The following TRIM24 variants were observed in gnomAD, a reference collection of about 807,000 sequenced individuals.
TRIM24 encodes tripartite motif containing 24.
Under a neutral mutation model 123.9 loss-of-function variants are expected in TRIM24, and 29 were observed. The ratio of observed to expected loss-of-function variants is 0.23; its 90% CI spans 0.17 to 0.32. The LOEUF (loss-of-function observed/expected upper bound fraction) is 0.32, where lower values mean the gene tolerates loss of function less well. Ranked by LOEUF, TRIM24 falls within the 10% of genes least tolerant of loss-of-function variation. TRIM24 has a pLI of 1.00. For synonymous variants in TRIM24, 456 were observed against 461.1 expected (o/e 0.99, Z 0.14); for missense variants, 932 against 1,295.3 (o/e 0.72, Z 4.31).
intron 9 of TRIM24, among the ~76,000 whole-genome samples, chr7:138,566,188 C>A (rs1797531569): frequency 6.6e-6 from 1 of 152,118 alleles, no homozygotes; most frequent in Non-Finnish European, 1.5e-5. Flanking sequence ...TTCCTGTAAT[C>A]AACCAGGGTT....
intron 4 of TRIM24, 111 bp downstream of exon 4, chr7:138,519,432 G>A: frequency 8.0e-7 from 1 of 1,253,634 alleles, no homozygotes; most frequent in Non-Finnish European, 1.1e-6. Flanking sequence ...TGTTTGGCCA[G>A]CACTATGCTG....
At chr7:138,564,410 TG>T (rs1275290504) in intron 9 of TRIM24, among the ~76,000 whole-genome samples, 3 of 152,172 alleles carry the variant, frequency 2.0e-5, no homozygotes, top group African/African-American at 7.2e-5. Flanking sequence ...CCTCAGTAAA[TG>T]GGGGTAGATT....
Position 138,586,531 on chromosome 7 carries a change from A to G in TRIM24, c.*1580A>G, listed in dbSNP as rs954946174. On this transcript the variant is annotated 3_prime_UTR_variant, in exon 19 of 19. Coordinates refer to ENST00000343526, the MANE Select transcript of TRIM24 (RefSeq NM_015905.3). Reference sequence around the variant, plus strand: ...ATAGATCCCCATTGTTTATATATATAGGTCTTGTTCATAATATGTCAATTA... The same window carrying G: ...ATAGATCCCCATTGTTTATATATATGGGTCTTGTTCATAATATGTCAATTA... The G allele has an allele frequency of 2.2e-4, 33 of 152,346 alleles. No individual in the cohort carries two copies. The highest frequency in any genetic ancestry group is 7.5e-4 in the African/African-American group (31 of 41,570). The allele number at this position is 152,346 out of a possible 1,614,324, so 9.4% of individuals were successfully genotyped here. A position where few individuals can be genotyped will look rare whatever the true frequency, so the allele number is the denominator to read the frequency against.
chr7:138,510,278 A>G (rs909765651), intron 2 of TRIM24, among the ~76,000 whole-genome samples: 6 of 152,270 alleles, frequency 3.9e-5, no homozygotes, highest in African/African-American at 1.4e-4. Flanking sequence ...ATAAGAGTTT[A>G]TACTAGAGTG....
intron 9 of TRIM24, 66 bp downstream of exon 9, chr7:138,555,032 A>G: frequency 1.4e-6 from 2 of 1,472,422 alleles, no homozygotes; most frequent in Non-Finnish European, 1.8e-6. Context: ...AGCAGCTCAA[A>G]ATAACAAAGA....
At chr7:138,516,083 A>T (rs1796387800) in intron 3 of TRIM24, among the ~76,000 whole-genome samples, 1 of 152,128 alleles carries the variant, frequency 6.6e-6, no homozygotes. Context: ...GTGGATCATG[A>T]GATCAGGAGA....
chr7:138,484,976 T>C (rs1255819111), intron 1 of TRIM24, among the ~76,000 whole-genome samples: 3 of 152,096 alleles, frequency 2.0e-5, no homozygotes, highest in Non-Finnish European at 4.4e-5. Flanking sequence ...TATAGGTAGT[T>C]GATAATAACC....
At position 138,534,044 on chromosome 7, in the gene TRIM24, G is replaced by A. The variant is rs6966527; in HGVS notation, c.997-4613G>A. On this transcript the variant is annotated intron_variant, in intron 6 of 18. Coordinates refer to ENST00000343526, the MANE Select transcript of TRIM24 (RefSeq NM_015905.3). Reference sequence around the variant, plus strand: ...TTCTCTGATGGTAGTTTGTATTTCTGTGGGATCGGTGGTGATATCCCCTTT... The same window carrying A: ...TTCTCTGATGGTAGTTTGTATTTCTATGGGATCGGTGGTGATATCCCCTTT... Among the ~76,000 whole-genome samples, 259 of 152,274 alleles carry A rather than the reference G, an allele frequency of 1.7e-3. 1 individual carries two copies. Among genetic ancestry groups the A allele is most frequent in the African/African-American group, 5.9e-3 (244 of 41,548 alleles).
intron 1 of TRIM24, among the ~76,000 whole-genome samples, chr7:138,501,660 G>T (rs1796042833): frequency 6.6e-6 from 1 of 152,010 alleles, no homozygotes; most frequent in Non-Finnish European, 1.5e-5. Context: ...GGCTGAGGTG[G>T]ACAGATCACG....
chr7:138,470,123 ATTTTTT>A (rs10542175), intron 1 of TRIM24, among the ~76,000 whole-genome samples: 19 of 81,428 alleles, frequency 2.3e-4, no homozygotes, highest in African/African-American at 8.7e-4. Context: ...TACAAGTATA[ATTTTTT>A]TTTTTTTTTT....
chr7:138,545,960 TAAC>T, intron 7 of TRIM24, among the ~76,000 whole-genome samples: 1 of 152,302 alleles, frequency 6.6e-6, no homozygotes, highest in Non-Finnish European at 1.5e-5. Flanking sequence ...GAGAAGTTGA[TAAC>T]AAAACTAAAA....
chr7:138,476,661 G>A (rs1795408873), intron 1 of TRIM24, among the ~76,000 whole-genome samples: 1 of 151,952 alleles, frequency 6.6e-6, no homozygotes, highest in African/African-American at 2.4e-5. Flanking sequence ...ATACTTTTTG[G>A]GTGAAACTGA....
intron 2 of TRIM24, among the ~76,000 whole-genome samples, chr7:138,509,061 G>C (rs1796228859): frequency 6.6e-6 from 1 of 151,892 alleles, no homozygotes; most frequent in Admixed American, 6.6e-5. Flanking sequence ...CGATTTTCCT[G>C]CCTCAGCCTC....
rs1798068008 is a variant in TRIM24 at position 138,589,343 on chromosome 7, T to C, written c.*4392T>C. 6.6e-6 allele frequency: 1 copy of C among 152,166 alleles called. No homozygotes were observed. Among genetic ancestry groups the C allele is most frequent in the Admixed American group, 6.6e-5 (1 of 15,264 alleles). 9.4% of individuals were successfully genotyped at this position (152,166 alleles called of 1,614,324 possible). On this transcript the variant is annotated 3_prime_UTR_variant, in exon 19 of 19. Coordinates refer to ENST00000343526, the MANE Select transcript of TRIM24 (RefSeq NM_015905.3). ...TTTGGGGGCAGATTGGTGCTTTGGT[T>C]TTAATAAAAACTAACTTTGATGGAT...
intron 1 of TRIM24, among the ~76,000 whole-genome samples, chr7:138,465,118 T>C (rs1242294542): frequency 6.6e-6 from 1 of 152,234 alleles, no homozygotes; most frequent in Admixed American, 6.5e-5. Flanking sequence ...AAAAGTATAA[T>C]TTATAAATGC....
Position 138,581,687 on chromosome 7 carries a change from T to G in TRIM24, c.2719-10T>G. ...ATATTTTATCTCAGTTTTTATTTAT[T>G]TTTGCTTAGAAGTGTGAGCGCCTAC... On this transcript the variant is annotated splice_polypyrimidine_tract_variant and intron_variant, in intron 16 of 18. Transcript: ENST00000343526. The G allele has an allele frequency of 6.2e-7, 1 of 1,601,388 alleles. No individual in the cohort carries two copies. Among genetic ancestry groups the G allele is most frequent in the South Asian group, 1.1e-5 (1 of 89,034 alleles).
intron 1 of TRIM24, among the ~76,000 whole-genome samples, chr7:138,470,041 T>G (rs1795236228): frequency 6.6e-6 from 1 of 152,116 alleles, no homozygotes; most frequent in Non-Finnish European, 1.5e-5. Flanking sequence ...ATAACCTATC[T>G]TAACTGTACA....
chr7:138,534,549 T>C (rs1024139758), intron 6 of TRIM24, among the ~76,000 whole-genome samples: 2 of 152,204 alleles, frequency 1.3e-5, no homozygotes, highest in African/African-American at 4.8e-5. Flanking sequence ...AATCCTGAGT[T>C]CTAGTTTGAT....
intron 17 of TRIM24, 145 bp downstream of exon 17, chr7:138,581,916 C>T: frequency 1.7e-6 from 1 of 585,146 alleles, no homozygotes; most frequent in Non-Finnish European, 2.9e-6. Context: ...ATGCTTTGAT[C>T]CTATGTAGGT....
Sources: allele counts gnomAD v4.1 joint callset (sites outside exome capture counted in the v4.1 genomes callset), GRCh38; gene constraint gnomAD v4.1.1; transcripts MANE v1.5; gene names NCBI Gene and HGNC (gene_info 2026-07-23, HGNC 2026-07-21).